NRP2: variants seen among roughly 807,000 people sequenced by gnomAD.
NRP2 encodes the protein neuropilin 2.
NRP2 carries 52 observed loss-of-function variants against 110.4 expected under a neutral mutation model. The ratio of observed to expected loss-of-function variants is 0.47; its 90% CI spans 0.38 to 0.59. The LOEUF (loss-of-function observed/expected upper bound fraction) is 0.59. Ranked by LOEUF, NRP2 falls within the 20% of genes least tolerant of loss-of-function variation. The pLI is 0.00. For missense variants in NRP2, 1,049 were observed against 1,203.0 expected, an observed-to-expected ratio of 0.87 and a Z score of 1.89; for synonymous variants, 508 against 468.9, an observed-to-expected ratio of 1.08 and a Z score of -1.08.
chr2:205,700,488 G>C (rs2056529155), intron 2 of NRP2, among the ~76,000 whole-genome samples: 1 of 152,186 alleles, frequency 6.6e-6, no homozygotes, highest in Non-Finnish European at 1.5e-5. Flanking sequence ...CCTCGTGTTT[G>C]CCCGGGTTCT....
chr2:205,765,377 C>T, intron 13 of NRP2, 97 bp from the exon 14 acceptor site: 1 of 970,310 alleles, frequency 1.0e-6, no homozygotes, highest in Middle Eastern at 2.1e-4. Flanking sequence ...CATACACACA[C>T]ACGCTTTAAG....
At chr2:205,715,808 A>C (rs1214012755) in intron 2 of NRP2, among the ~76,000 whole-genome samples, 1 of 152,198 alleles carries the variant, frequency 6.6e-6, no homozygotes, top group Non-Finnish European at 1.5e-5. Flanking sequence ...TGATGCTCAA[A>C]GGGGTTCAGC....
At chr2:205,767,987 A>G (rs952242369) in intron 15 of NRP2, 1 of 152,328 alleles carries the variant, frequency 6.6e-6, no homozygotes, top group South Asian at 2.1e-4. Flanking sequence ...AAAGAGATGA[A>G]TTCCTGGTTT....
At chr2:205,789,961 C>G (rs575426813) in intron 15 of NRP2, among the ~76,000 whole-genome samples, 1 of 152,216 alleles carries the variant, frequency 6.6e-6, no homozygotes, top group South Asian at 2.1e-4. Context: ...ACAAATGTTC[C>G]CTTTATTTGT....
At position 205,740,571 on chromosome 2, in the gene NRP2, C is replaced by G. The variant is rs1384781458; in HGVS notation, c.1199C>G (p.Ala400Gly). 1 of 1,614,230 alleles carries G rather than the reference C, an allele frequency of 6.2e-7. No homozygotes were observed. The highest frequency in any genetic ancestry group is 8.5e-7 in the Non-Finnish European group (1 of 1,180,034). The change falls in exon 8 of 17, where the codon GCT (alanine) becomes GGT (glycine). Residue 400 changes from alanine to glycine, a missense_variant. Ala to Gly is a moderately conservative substitution (Grantham distance 60). Transcript: ENST00000357785. Reference protein sequence around the residue: ...ATEVVLNKLHAPLLTRFVRIR... With the variant: ...ATEVVLNKLHGPLLTRFVRIR... ...GAGGTGGTTCTGAACAAGCTCCACG[C>G]TCCACTGCTGACAAGGTTTGTTAGA...
rs557289722 is a variant in NRP2 at position 205,782,241 on chromosome 2, A to G, written c.2426-9994A>G. ...CCACTGACCCCTGAGAGCCCCAAAA[A>G]GCTAAAGTCCCGTGGGCATTGGACC... On this transcript the variant is annotated intron_variant, in intron 15 of 16. Transcript: ENST00000357785. 2.0e-4 allele frequency among the ~76,000 whole-genome samples: 30 copies of G among 152,226 alleles called. 1 individual carries two copies. The highest frequency in any genetic ancestry group is 6.7e-4 in the African/African-American group (28 of 41,536).
rs112401718 is a variant in NRP2 at position 205,721,458 on chromosome 2, C to T, written c.434-1020C>T. On this transcript the variant is annotated intron_variant, in intron 3 of 16. Coordinates refer to ENST00000357785, the MANE Select transcript of NRP2 (RefSeq NM_003872.3). ...GCTCGTGCTTCGTGGGTCCATGGGT[C>T]TGGGTTGCAGTGCTCCCGGGACCCA... Among the ~76,000 whole-genome samples, 494 of 152,288 alleles carry T rather than the reference C, an allele frequency of 3.2e-3. 4 individuals are homozygous for T. Among genetic ancestry groups the T allele is most frequent in the African/African-American group, 0.011 (471 of 41,558 alleles).
rs1271237649 is a variant in NRP2 at position 205,763,671 on chromosome 2, C to T, written c.2045-3C>T. ...AACCTCTGTTTGGGTTTGTTTCTGC[C>T]AGATGACAGGAATTTCTTGCGGCTG... is the stretch of plus-strand genomic sequence containing the variant. On this transcript the variant is annotated splice_region_variant and splice_polypyrimidine_tract_variant and intron_variant, in intron 12 of 16. Transcript: ENST00000357785. The surrounding 1 kb of genome is among the most constrained non-coding windows in gnomAD (Gnocchi z 4.0). 2 of 1,614,032 alleles carry T rather than the reference C, an allele frequency of 1.2e-6. No individual in the cohort carries two copies. Among genetic ancestry groups the T allele is most frequent in the African/African-American group, 1.3e-5 (1 of 74,920 alleles).
chr2:205,711,300 G>T (rs1490997967), intron 2 of NRP2, among the ~76,000 whole-genome samples: 1 of 152,198 alleles, frequency 6.6e-6, no homozygotes, highest in Non-Finnish European at 1.5e-5. Context: ...GGTGCTTATT[G>T]TCTGGTGCAG....
At position 205,716,261 on chromosome 2, in the gene NRP2, A is replaced by G. The variant is rs137895071; in HGVS notation, c.320A>G (p.Asn107Ser). The change falls in exon 3 of 17, where the codon AAC (asparagine) becomes AGC (serine). Residue 107 changes from asparagine to serine, a missense_variant. Coordinates refer to ENST00000357785, the MANE Select transcript of NRP2 (RefSeq NM_003872.3). ...SADLLGKHCG[N>S]IAPPTIISSG... ...GACCTCCTGGGCAAACACTGTGGGAACATCGCCCCGCCCACCATCATCTCC... is the reference window on the plus strand; with the variant it reads ...GACCTCCTGGGCAAACACTGTGGGAGCATCGCCCCGCCCACCATCATCTCC... 3.7e-6 allele frequency: 6 copies of G among 1,614,084 alleles called. No homozygotes were observed. The African/African-American group carries it at 8.0e-5, about 22-fold the overall frequency.
At position 205,737,009 on chromosome 2, in the gene NRP2, A is replaced by G. The variant is rs945183092; in HGVS notation, c.1147-3510A>G. Among the ~76,000 whole-genome samples the G allele has an allele frequency of 7.9e-5, 12 of 152,380 alleles. No individual in the cohort carries two copies. In the East Asian group the frequency reaches 2.3e-3, roughly 29 times the overall value. ...CTTGTAAAACCATTGGGTCAGGATA[A>G]ATAGAAACTGCTTAATATTTCATTA... On this transcript the variant is annotated intron_variant, in intron 7 of 16. Coordinates refer to ENST00000357785, the MANE Select transcript of NRP2 (RefSeq NM_003872.3).
At chr2:205,694,214 T>C (rs2105879810) in intron 1 of NRP2, among the ~76,000 whole-genome samples, 1 of 152,332 alleles carries the variant, frequency 6.6e-6, no homozygotes, top group East Asian at 1.9e-4. Flanking sequence ...AGAAAGAGTT[T>C]AAAACAATCT....
chr2:205,712,065 T>C (rs1009066402), intron 2 of NRP2, among the ~76,000 whole-genome samples: 2 of 152,120 alleles, frequency 1.3e-5, no homozygotes, highest in African/African-American at 4.8e-5. Flanking sequence ...AAATGTAGGT[T>C]TGGGGAGAGA....
chr2:205,782,830 T>A (rs1575677692), intron 15 of NRP2, among the ~76,000 whole-genome samples: 2 of 152,272 alleles, frequency 1.3e-5, no homozygotes, highest in East Asian at 3.9e-4. Context: ...TGCTCCCCTG[T>A]TGATGAGTGT....
At chr2:205,753,333 C>T (rs1464793904) in intron 12 of NRP2, among the ~76,000 whole-genome samples, 1 of 152,194 alleles carries the variant, frequency 6.6e-6, no homozygotes, top group Non-Finnish European at 1.5e-5. Context: ...CACAGAGCCC[C>T]TTGTCAACTT....
chr2:205,755,603 C>T (rs2057719256), intron 12 of NRP2, among the ~76,000 whole-genome samples: 1 of 117,650 alleles, frequency 8.5e-6, no homozygotes, highest in African/African-American at 2.8e-5. Context: ...TACTTCTTCT[C>T]CATAGGGAAA....
chr2:205,684,557 C>T (rs2056098745), intron 1 of NRP2, among the ~76,000 whole-genome samples: 2 of 152,134 alleles, frequency 1.3e-5, no homozygotes, highest in South Asian at 4.1e-4. Flanking sequence ...CTTCCTTCTC[C>T]TCACGCCCCC....
intron 15 of NRP2, among the ~76,000 whole-genome samples, chr2:205,785,522 A>G (rs2058226716): frequency 6.6e-6 from 1 of 152,218 alleles, no homozygotes; most frequent in Non-Finnish European, 1.5e-5. Context: ...TTGTTCACAT[A>G]TCTACTTACA....
chr2:205,731,440 C>T (rs1237218144), intron 7 of NRP2, among the ~76,000 whole-genome samples: 5 of 152,190 alleles, frequency 3.3e-5, no homozygotes, highest in Non-Finnish European at 4.4e-5. Context: ...CTCAGAGGCA[C>T]AAGGTCTTGG....
Sources: allele counts gnomAD v4.1 joint callset (sites outside exome capture counted in the v4.1 genomes callset), GRCh38; gene constraint gnomAD v4.1.1; non-coding constraint Gnocchi (gnomAD v3.1); transcripts MANE v1.5; gene names NCBI Gene and HGNC (gene_info 2026-07-23, HGNC 2026-07-21).